Variants in SYT1 observed in about 807,000 individuals in gnomAD.
SYT1 encodes the protein synaptotagmin 1.
Under a neutral mutation model 44.8 loss-of-function variants are expected in SYT1, and 8 were observed. The ratio of observed to expected loss-of-function variants is 0.18; its 90% CI spans 0.10 to 0.32. The LOEUF is 0.32. Among genes scored for constraint, SYT1 ranks in the 10% least tolerant of loss-of-function variants. The pLI, the probability that SYT1 is intolerant of heterozygous loss-of-function variation, is 1.00. For synonymous variants in SYT1, 154 were observed against 188.8 expected, an observed-to-expected ratio of 0.82 and a Z score of 1.51; for missense variants, 286 against 509.3, an observed-to-expected ratio of 0.56 and a Z score of 4.22.
At chr12:79,404,334 G>A (rs575332663) in intron 9 of SYT1, among the ~76,000 whole-genome samples, 3 of 151,996 alleles carry the variant, frequency 2.0e-5, no homozygotes, top group Non-Finnish European at 4.4e-5. Context: ...CTACTGAGTG[G>A]CCACTTTTGA....
chr12:79,283,363 T>C (rs796346253), intron 4 of SYT1, among the ~76,000 whole-genome samples: 2 of 152,294 alleles, frequency 1.3e-5, no homozygotes, highest in African/African-American at 4.8e-5. Context: ...TACTTTCAAG[T>C]TGCATTATTT....
At chr12:79,114,665 A>G (rs897395808) in intron 3 of SYT1, among the ~76,000 whole-genome samples, 4 of 152,172 alleles carry the variant, frequency 2.6e-5, no homozygotes, top group African/African-American at 9.7e-5. Flanking sequence ...GAGATAGAAC[A>G]CAGCTCTTTG....
At chr12:79,368,497 A>G (rs963662089) in intron 9 of SYT1, among the ~76,000 whole-genome samples, 5 of 150,302 alleles carry the variant, frequency 3.3e-5, no homozygotes, top group Non-Finnish European at 6.0e-5. Context: ...TGGTTGAACT[A>G]GTTTACAGTC....
At position 79,233,351 on chromosome 12, in the gene SYT1, C is replaced by T. The variant is rs146075945; in HGVS notation, c.166+15666C>T. 1.0e-3 allele frequency among the ~76,000 whole-genome samples: 156 copies of T among 152,316 alleles called. 3 individuals are homozygous for T. In the East Asian group the frequency reaches 0.029, roughly 29 times the overall value. ...CCAGTTTCCTGTGTTTTCACTGAGA[C>T]AGTTCAAAAGAAACCTGGATACACT... On this transcript the variant is annotated intron_variant, in intron 4 of 10. Transcript: ENST00000261205.
chr12:79,226,254 C>T (rs1461250899), intron 4 of SYT1, among the ~76,000 whole-genome samples: 2 of 152,122 alleles, frequency 1.3e-5, no homozygotes, highest in African/African-American at 4.8e-5. Flanking sequence ...GTAATTGTTT[C>T]TTTGGTCACA....
At chr12:79,286,389 C>T (rs148299019) in intron 5 of SYT1, among the ~76,000 whole-genome samples, 33 of 152,262 alleles carry the variant, frequency 2.2e-4, no homozygotes, top group South Asian at 1.2e-3. Flanking sequence ...CTGAGTTTTA[C>T]GGCTGTTCAT....
At chr12:79,138,018 C>T (rs999311797) in intron 3 of SYT1, among the ~76,000 whole-genome samples, 7 of 152,150 alleles carry the variant, frequency 4.6e-5, no homozygotes, top group Admixed American at 2.6e-4. Flanking sequence ...ACCTACTTAA[C>T]CATCACGTCA....
chr12:79,230,764 C>G (rs1385865466), intron 4 of SYT1, among the ~76,000 whole-genome samples: 2 of 152,050 alleles, frequency 1.3e-5, no homozygotes, highest in Non-Finnish European at 2.9e-5. Flanking sequence ...AAAAAGCCAC[C>G]AAGTAAATTA....
chr12:79,336,553 G>A (rs1393934367), intron 8 of SYT1, among the ~76,000 whole-genome samples: 2 of 151,622 alleles, frequency 1.3e-5, no homozygotes, highest in Non-Finnish European at 2.9e-5. Context: ...ATTTGCTGTT[G>A]ACAGAGGCCA....
rs1189568630 is a variant in SYT1, at chr12:79,451,132, T to A, written c.*2008T>A. Reference sequence around the variant, plus strand: ...GGCTGTTTCCCAGTAAAACTGGAATTCCTGTCGTTACTGTTTCCTTATCAA... The same window carrying A: ...GGCTGTTTCCCAGTAAAACTGGAATACCTGTCGTTACTGTTTCCTTATCAA... On this transcript the variant is annotated 3_prime_UTR_variant, in exon 11 of 11. Transcript: ENST00000261205. 1.3e-5 allele frequency: 2 copies of A among 152,242 alleles called. No homozygotes were observed. The highest frequency in any genetic ancestry group is 4.8e-5 in the African/African-American group (2 of 41,456). The allele number at this position is 152,242 out of a possible 1,614,324, so 9.4% of individuals were successfully genotyped here. A position where few individuals can be genotyped will look rare whatever the true frequency, so the allele number is the denominator to read the frequency against.
At chr12:79,014,130 A>G (rs1258746952) in intron 2 of SYT1, among the ~76,000 whole-genome samples, 1 of 144,634 alleles carries the variant, frequency 6.9e-6, no homozygotes, top group South Asian at 2.1e-4. Flanking sequence ...TCCAAAAAAA[A>G]AAAAAAAAGA....
chr12:78,945,019 C>T (rs894354222), intron 1 of SYT1, among the ~76,000 whole-genome samples: 1 of 152,144 alleles, frequency 6.6e-6, no homozygotes, highest in East Asian at 1.9e-4. Flanking sequence ...TCCATTATTA[C>T]ATACCAATCC....
chr12:79,409,633 G>A (rs1868343882), intron 9 of SYT1, among the ~76,000 whole-genome samples: 1 of 152,066 alleles, frequency 6.6e-6, no homozygotes, highest in Non-Finnish European at 1.5e-5. Flanking sequence ...ATAATCTAAA[G>A]CCAGTTTTCA....
At chr12:79,190,226 C>G (rs1873032731) in intron 3 of SYT1, among the ~76,000 whole-genome samples, 1 of 152,124 alleles carries the variant, frequency 6.6e-6, no homozygotes, top group Non-Finnish European at 1.5e-5. Context: ...ATTTTTCAAG[C>G]ATGCAAATCC....
In SYT1 at chr12:79,179,134, A is replaced by G. The variant is rs868031129; in HGVS notation, c.-17-38369A>G. On this transcript the variant is annotated intron_variant, in intron 3 of 10. Coordinates refer to ENST00000261205, the MANE Select transcript of SYT1 (RefSeq NM_005639.3). The stretch of plus-strand genomic sequence containing the variant: ...GATATAGATATAGATATAGATATAT[A>G]GATATAGATATAGATATATAGATAT... Among the ~76,000 whole-genome samples, 154 of 118,036 alleles carry G rather than the reference A, an allele frequency of 1.3e-3. 4 individuals are homozygous for G. Among genetic ancestry groups the G allele is most frequent in the Admixed American group, 2.2e-3 (24 of 10,900 alleles). 77.4% of individuals were successfully genotyped at this position (118,036 alleles called of 152,430 possible).
intron 4 of SYT1, among the ~76,000 whole-genome samples, chr12:79,268,260 G>A (rs958261707): frequency 2.0e-5 from 3 of 152,088 alleles, no homozygotes; most frequent in Non-Finnish European, 2.9e-5. Flanking sequence ...GCAGATTTAC[G>A]ATTCTATTAA....
intron 8 of SYT1, among the ~76,000 whole-genome samples, chr12:79,345,085 G>A (rs555487899): frequency 2.1e-4 from 32 of 152,108 alleles, no homozygotes; most frequent in African/African-American, 6.7e-4. Flanking sequence ...ACTTCCTGCC[G>A]AACCTTCCTT....
chr12:79,091,670 G>A (rs1877784166), intron 3 of SYT1, among the ~76,000 whole-genome samples: 1 of 151,936 alleles, frequency 6.6e-6, no homozygotes, highest in African/African-American at 2.4e-5. Context: ...TTGGAGAGTT[G>A]CAGTCAGACA....
chr12:79,076,668 C>T (rs1031478707), intron 3 of SYT1, among the ~76,000 whole-genome samples: 28 of 152,062 alleles, frequency 1.8e-4, no homozygotes, highest in African/African-American at 5.3e-4. Context: ...AGGCAGGGTG[C>T]GGTGGCTCAC....
Sources: allele counts gnomAD v4.1 joint callset (sites outside exome capture counted in the v4.1 genomes callset), GRCh38; gene constraint gnomAD v4.1.1; transcripts MANE v1.5; gene names NCBI Gene and HGNC (gene_info 2026-07-23, HGNC 2026-07-21).